The following SUMO3 variants were observed in gnomAD, a reference collection of about 807,000 sequenced individuals.
SUMO3 encodes small ubiquitin like modifier 3.
SUMO3 carries 2 observed loss-of-function variants against 11.1 expected under a neutral mutation model. The ratio of observed to expected loss-of-function variants is 0.18; its 90% CI spans 0.07 to 0.57. The LOEUF (loss-of-function observed/expected upper bound fraction) is 0.57, where lower values mean the gene tolerates loss of function less well. Among genes scored for constraint, SUMO3 ranks in the 20% least tolerant of loss-of-function variants. SUMO3 has a pLI of 0.92. For synonymous variants in SUMO3, 56 were observed against 53.5 expected (o/e 1.05, Z -0.20); for missense variants, 70 against 132.8 (o/e 0.53, Z 2.32).
chr21:44,814,483 G>A (rs180857289), intron 1 of SUMO3, among the ~76,000 whole-genome samples: 49 of 152,348 alleles, frequency 3.2e-4, no homozygotes, highest in South Asian at 1.2e-3. Flanking sequence ...GGAGGATGGC[G>A]TAAGCCCAGG....
At chr21:44,814,256 G>C (rs1007786422) in intron 1 of SUMO3, 152 bp from the exon 2 acceptor site, 1 of 1,062,156 alleles carries the variant, frequency 9.4e-7, no homozygotes, top group African/African-American at 1.6e-5. Context: ...CACTCGTGAT[G>C]GTTTTATTTT....
Position 44,806,712 on chromosome 21 carries a change from C to T in SUMO3, c.*239G>A, listed in dbSNP as rs1379845774. The T allele has an allele frequency of 3.7e-6, 4 of 1,074,968 alleles. No individual in the cohort carries two copies. The highest frequency in any genetic ancestry group is 5.0e-6 in the Non-Finnish European group (4 of 794,434). 66.6% of individuals were successfully genotyped at this position (1,074,968 alleles called of 1,614,324 possible). The stretch of plus-strand genomic sequence containing the variant: ...ACAAATGAGCACACAAAAGTACCCA[C>T]AATATCTTGCAACTCATTTTACCTG... On this transcript the variant is annotated 3_prime_UTR_variant, in exon 4 of 4. Transcript: ENST00000332859.
rs1335341075 is a variant in SUMO3 at position 44,807,011 on chromosome 21, G to A, written c.252C>T (p.Asp84=). 3.0e-5 allele frequency: 48 copies of A among 1,614,048 alleles called. No homozygotes were observed. Among genetic ancestry groups the A allele is most frequent in the Non-Finnish European group, 3.6e-5 (42 of 1,180,030 alleles). ...QLEMEDEDTI[D]VFQQQTGGVP... ...CACCTCCCGTCTGCTGCTGGAACAC[G>A]TCGATGGTGTCCTCGTCCTCCATCT... The change falls in exon 4 of 4, where the codon GAC becomes GAT. Residue 84 remains aspartate (D), a synonymous_variant. Transcript: ENST00000332859. This position sits in a 1 kb window ranked among gnomAD's most constrained non-coding sequence, Gnocchi z 4.3.
Position 44,807,035 on chromosome 21 carries a change from C to T in SUMO3, c.228G>A (p.Glu76=). The change falls in exon 4 of 4, where the codon GAG becomes GAA. Residue 76 remains glutamate (E), a synonymous_variant. Transcript: ENST00000332859. The surrounding 1 kb of genome is among the most constrained non-coding windows in gnomAD (Gnocchi z 4.3). ...CGTCGATGGTGTCCTCGTCCTCCAT[C>T]TCCAGCTGTCATGGTTGTCACAACA... ...INETDTPAQL[E]MEDEDTIDVF... The T allele has an allele frequency of 3.1e-6, 5 of 1,613,922 alleles. No individual in the cohort carries two copies. The highest frequency in any genetic ancestry group is 4.2e-6 in the Non-Finnish European group (5 of 1,179,974).
intron 1 of SUMO3, among the ~76,000 whole-genome samples, chr21:44,815,985 C>T (rs2083241860): frequency 6.6e-6 from 1 of 152,208 alleles, no homozygotes; most frequent in Non-Finnish European, 1.5e-5. Context: ...CACCACCGGG[C>T]CCCAGAGTCC....
chr21:44,808,271 G>A (rs1185342141), intron 3 of SUMO3: 1 of 291,412 alleles, frequency 3.4e-6, no homozygotes, highest in Admixed American at 5.2e-5. Context: ...CCAGCACTTT[G>A]GGGGGCTGAG....
intron 3 of SUMO3, among the ~76,000 whole-genome samples, chr21:44,808,081 T>C (rs1024632738): frequency 6.6e-6 from 1 of 152,120 alleles, no homozygotes; most frequent in Non-Finnish European, 1.5e-5. Flanking sequence ...TCTCACAACA[T>C]TGAAAGGGAG....
chr21:44,816,640 G>A (rs531438835), intron 1 of SUMO3, among the ~76,000 whole-genome samples: 1 of 152,292 alleles, frequency 6.6e-6, no homozygotes, highest in Non-Finnish European at 1.5e-5. Context: ...CTTCGGAAAG[G>A]TTCTCTTTTT....
At chr21:44,813,396 C>CA in intron 2 of SUMO3, 1 of 187,666 alleles carries the variant, frequency 5.3e-6, no homozygotes. Context: ...CACACACACA[C>CA]CACGTCACAA....
chr21:44,815,430 C>T (rs1041440598), intron 1 of SUMO3, among the ~76,000 whole-genome samples: 5 of 152,176 alleles, frequency 3.3e-5, no homozygotes, highest in Non-Finnish European at 7.4e-5. Flanking sequence ...CAGTCTTGGG[C>T]CAGACACCCC....
chr21:44,813,633 C>G, intron 2 of SUMO3: 1 of 624,814 alleles, frequency 1.6e-6, no homozygotes, highest in Non-Finnish European at 2.7e-6. Context: ...CCCAGAATGG[C>G]CAGACCTGAG....
chr21:44,814,049 C>G lies in SUMO3; in HGVS notation c.77G>C (p.Gly26Ala). Residue 26 changes from glycine to alanine, a missense_variant, in exon 2 of 4, where the codon GGC becomes GCC. Transcript: ENST00000332859. ...CTTGATCTTGAACTGCACCACGGAG[C>G]CGTCCTGCCCGGCCACCTTCAGGTT... The part of the protein sequence containing the change: ...HINLKVAGQD[G>A]SVVQFKIKRH... 6.2e-7 allele frequency: 1 copy of G among 1,613,890 alleles called. No homozygotes were observed. Among genetic ancestry groups the G allele is most frequent in the African/African-American group, 1.3e-5 (1 of 75,040 alleles).
Position 44,818,001 on chromosome 21 carries a change from G to C in SUMO3, c.-33C>G. 1 of 1,178,692 alleles carries C rather than the reference G, an allele frequency of 8.5e-7. No homozygotes were observed. 73.0% of individuals were successfully genotyped at this position (1,178,692 alleles called of 1,614,324 possible). The stretch of plus-strand genomic sequence containing the variant: ...CGAGCGGCGCGGGGAGGCGGCGCGG[G>C]GGAAGCAGCGCGGAGCGGGCGAGTC... On this transcript the variant is annotated 5_prime_UTR_variant, in exon 1 of 4. Coordinates refer to ENST00000332859, the MANE Select transcript of SUMO3 (RefSeq NM_006936.3).
intron 1 of SUMO3, among the ~76,000 whole-genome samples, chr21:44,815,034 G>A (rs1465967687): frequency 1.3e-5 from 2 of 152,234 alleles, no homozygotes; most frequent in Non-Finnish European, 2.9e-5. Flanking sequence ...GTGAAGCAAT[G>A]AGGCAGGGCC....
chr21:44,810,284 G>A lies in SUMO3; in HGVS notation c.151-1166C>T, dbSNP rs1278761264. On this transcript the variant is annotated intron_variant, in intron 2 of 3. Coordinates refer to ENST00000332859, the MANE Select transcript of SUMO3 (RefSeq NM_006936.3). The surrounding 1 kb of genome is among the most constrained non-coding windows in gnomAD (Gnocchi z 4.1). ...AACGGGAGTGGGGATGGGCAGATAT[G>A]TCAATGCTGGGCTGAGCCAGAGGCT... Among the ~76,000 whole-genome samples, 1 of 152,248 alleles carries A rather than the reference G, an allele frequency of 6.6e-6. No individual in the cohort carries two copies. The highest frequency in any genetic ancestry group is 1.5e-5 in the Non-Finnish European group (1 of 68,048).
chr21:44,807,076 A>G lies in SUMO3; in HGVS notation c.223-36T>C. ...TGTCACAACAGGCACAGCGAGAGAG[A>G]GGGGAGCCTGTTAGTTTTCATCAGA... On this transcript the variant is annotated intron_variant, in intron 3 of 3. Transcript: ENST00000332859. This position sits in a 1 kb window ranked among gnomAD's most constrained non-coding sequence, Gnocchi z 4.3. 1 of 1,607,844 alleles carries G rather than the reference A, an allele frequency of 6.2e-7. No homozygotes were observed. The highest frequency in any genetic ancestry group is 8.5e-7 in the Non-Finnish European group (1 of 1,176,112).
chr21:44,811,025 C>T lies in SUMO3; in HGVS notation c.151-1907G>A, dbSNP rs867474385. 3.3e-5 allele frequency among the ~76,000 whole-genome samples: 4 copies of T among 121,206 alleles called. No individual in the cohort carries two copies. The highest frequency in any genetic ancestry group is 8.0e-5 in the African/African-American group (3 of 37,422). The allele number at this position is 121,206 out of a possible 152,430, so 79.5% of individuals were successfully genotyped here. Reference sequence around the variant, plus strand: ...ATGCACACACCCACATATGCACACACGCACACACCCACATACACACACGCA... The same window carrying T: ...ATGCACACACCCACATATGCACACATGCACACACCCACATACACACACGCA... On this transcript the variant is annotated intron_variant, in intron 2 of 3. Coordinates refer to ENST00000332859, the MANE Select transcript of SUMO3 (RefSeq NM_006936.3). The surrounding 1 kb of genome is among the most constrained non-coding windows in gnomAD (Gnocchi z 5.0).
At chr21:44,813,103 T>C (rs927882716) in intron 2 of SUMO3, among the ~76,000 whole-genome samples, 2 of 152,174 alleles carry the variant, frequency 1.3e-5, no homozygotes, top group Admixed American at 1.3e-4. Flanking sequence ...ATGAGCAGGG[T>C]ATCCAAAGTG....
At chr21:44,812,119 T>G (rs191519187) in intron 2 of SUMO3, among the ~76,000 whole-genome samples, 1,446 of 139,850 alleles carry the variant, frequency 0.01, 31 homozygotes, top group African/African-American at 0.037. Flanking sequence ...AGCAGTGATA[T>G]GACCTCAGCT....
Sources: gnomAD v4.1 joint callset for allele counts (sites outside exome capture counted in the v4.1 genomes callset) on GRCh38, gnomAD v4.1.1 for gene constraint, Gnocchi (gnomAD v3.1) non-coding constraint, MANE v1.5 for transcripts, NCBI Gene and HGNC (gene_info 2026-07-23, HGNC 2026-07-21) for gene names.